The following CHD6 variants were observed in gnomAD, a reference collection of about 807,000 sequenced individuals.
CHD6 encodes chromodomain helicase DNA binding protein 6, also known as ATP-dependent chromatin remodeler CHD6.
Under a neutral mutation model 276.9 loss-of-function variants are expected in CHD6, and 50 were observed. The ratio of observed to expected loss-of-function variants is 0.18; its 90% CI spans 0.14 to 0.23. The LOEUF is 0.23. CHD6 is among the 10% of genes least tolerant of loss of function. The probability of loss-of-function intolerance (pLI) is 1.00; values close to 1 mark genes in which losing one functional copy is unlikely to be tolerated. For missense variants in CHD6, 2,564 were observed against 3,365.8 expected (o/e 0.76, Z 5.89); for synonymous variants, 1,173 against 1,229.3 (o/e 0.95, Z 0.96).
intron 36 of CHD6, among the ~76,000 whole-genome samples, chr20:41,411,020 G>T (rs2046826901): frequency 6.6e-6 from 1 of 152,190 alleles, no homozygotes; most frequent in Non-Finnish European, 1.5e-5. Flanking sequence ...GCAAGTGGAA[G>T]AAAGTGAGGG....
intron 3 of CHD6, 28 bp downstream of exon 3, chr20:41,533,022 T>C (rs536829929): frequency 3.9e-6 from 6 of 1,551,978 alleles, no homozygotes; most frequent in African/African-American, 2.8e-5. Context: ...CATAGGCAAG[T>C]GCTCAGAGAA....
At chr20:41,615,855 G>C (rs986199676) in intron 1 of CHD6, among the ~76,000 whole-genome samples, 4 of 152,184 alleles carry the variant, frequency 2.6e-5, no homozygotes, top group Admixed American at 6.5e-5. Context: ...AACCACAAAC[G>C]CTGCTTCGGG....
rs2046587271 is a variant in CHD6 at position 41,403,558 on chromosome 20, G to A, written c.*1035C>T. The A allele has an allele frequency of 9.4e-7, 1 of 1,063,436 alleles. No homozygotes were observed. The highest frequency in any genetic ancestry group is 5.4e-5 in the Admixed American group (1 of 18,676). 65.9% of individuals were successfully genotyped at this position (1,063,436 alleles called of 1,614,324 possible). ...AACTTTTCATAGCTGTATTATAAAG[G>A]GTGGCACACATTTGACAGCCTCAGA... is the stretch of plus-strand genomic sequence containing the variant. On this transcript the variant is annotated 3_prime_UTR_variant, in exon 37 of 37. Coordinates refer to ENST00000373233, the MANE Select transcript of CHD6 (RefSeq NM_032221.5).
Position 41,493,550 on chromosome 20 carries a change from T to G in CHD6, c.1302A>C (p.Glu434Asp), listed in dbSNP as rs758863423. ...AAAACTACTTTACCACATGCTTAAT[T>G]TCAGGGAGAACTTGAAGAGATTCAA... ...KEFESLQVLP[E>D]IKHVERPASD... is the part of the protein sequence containing the mutation. The change falls in exon 10 of 37, where the codon GAA becomes GAC. Residue 434 changes from glutamate to aspartate, a missense_variant. Around this residue, in one of 7 missense-constraint regions of CHD6, gnomAD observed 457 missense variants for 889.0 expected, o/e 0.51. Transcript: ENST00000373233. 5 of 1,613,750 alleles carry G rather than the reference T, an allele frequency of 3.1e-6. No homozygotes were observed. In the South Asian group the frequency reaches 5.5e-5, roughly 18 times the overall value.
intron 1 of CHD6, among the ~76,000 whole-genome samples, chr20:41,617,796 G>A (rs1197441831): frequency 1.3e-5 from 2 of 151,402 alleles, no homozygotes; most frequent in Non-Finnish European, 3.0e-5. Flanking sequence ...TCCCGGAACA[G>A]CAGCCTGGCA....
chr20:41,527,378 A>G (rs1601088786), intron 3 of CHD6, among the ~76,000 whole-genome samples: 1 of 152,022 alleles, frequency 6.6e-6, no homozygotes, highest in Non-Finnish European at 1.5e-5. Flanking sequence ...CCGAGATCAC[A>G]CCACTGCACT....
chr20:41,425,389 C>T lies in CHD6; in HGVS notation c.4135G>A (p.Asp1379Asn). ...GGCGATTTGTCTGGGTCGGAGCCAT[C>T]CTGGGCTTCAAACATCAGTGAGGAT... ...EKKDDSRAAQDGSDPDKSPWP... is the reference protein window; with the variant it reads ...EKKDDSRAAQNGSDPDKSPWP... The change falls in exon 29 of 37, where the codon GAT becomes AAT. Residue 1379 changes from aspartate to asparagine, a missense_variant. Asp to Asn is a conservative substitution (Grantham distance 23). Coordinates refer to ENST00000373233, the MANE Select transcript of CHD6 (RefSeq NM_032221.5). The T allele has an allele frequency of 6.2e-7, 1 of 1,613,490 alleles. No individual in the cohort carries two copies. Among genetic ancestry groups the T allele is most frequent in the Non-Finnish European group, 8.5e-7 (1 of 1,179,808 alleles).
rs1342813211 is a variant in CHD6, at chr20:41,611,608, G to C, written c.-24+6732C>G. On this transcript the variant is annotated intron_variant, in intron 1 of 36. Coordinates refer to ENST00000373233, the MANE Select transcript of CHD6 (RefSeq NM_032221.5). ...TGGTCTATTTCAGTAGGTCTGGAATGGGGCCCAAAAACTTGCATTTCTTTT... is the reference window on the plus strand; with the variant it reads ...TGGTCTATTTCAGTAGGTCTGGAATCGGGCCCAAAAACTTGCATTTCTTTT... Among the ~76,000 whole-genome samples, 3 of 152,040 alleles carry C rather than the reference G, an allele frequency of 2.0e-5. No individual in the cohort carries two copies. The East Asian group carries it at 5.8e-4, about 29-fold the overall frequency.
chr20:41,548,074 A>G (rs897951717), intron 2 of CHD6, among the ~76,000 whole-genome samples: 1 of 152,220 alleles, frequency 6.6e-6, no homozygotes, highest in South Asian at 2.1e-4. Context: ...CCTCTTCTCT[A>G]TTAGGCACTG....
chr20:41,483,242 A>G, intron 16 of CHD6, 67 bp downstream of exon 16: 1 of 1,396,980 alleles, frequency 7.2e-7, no homozygotes, highest in Non-Finnish European at 9.6e-7. Context: ...TTTTGAATGG[A>G]TCAAAAAAAT....
At chr20:41,547,732 T>C (rs147466170) in intron 2 of CHD6, 35 of 569,960 alleles carry the variant, frequency 6.1e-5, no homozygotes, top group Admixed American at 3.4e-4. Context: ...AGTGGAATTA[T>C]CACTTTTGAT....
At chr20:41,465,629 ATTAG>A (rs1361502680) in intron 17 of CHD6, among the ~76,000 whole-genome samples, 9 of 152,218 alleles carry the variant, frequency 5.9e-5, no homozygotes, top group Admixed American at 2.0e-4. Flanking sequence ...AGGTCTGTAG[ATTAG>A]TTAAAGAGTA....
chr20:41,487,403 A>G (rs1175256117), intron 14 of CHD6, among the ~76,000 whole-genome samples: 2 of 152,232 alleles, frequency 1.3e-5, no homozygotes, highest in African/African-American at 4.8e-5. Flanking sequence ...TAGTGAAGCA[A>G]GGAGGCCCGA....
At chr20:41,411,649 C>A (rs6102408) in intron 36 of CHD6, among the ~76,000 whole-genome samples, 51,992 of 151,964 alleles carry the variant, frequency 0.34, 9,333 homozygotes, top group African/African-American at 0.45. Context: ...AAGTATTCTG[C>A]AGAAGTCTTT....
chr20:41,404,165 G>T lies in CHD6; in HGVS notation c.*428C>A. 9.4e-7 allele frequency: 1 copy of T among 1,062,504 alleles called. No homozygotes were observed. Among genetic ancestry groups the T allele is most frequent in the Non-Finnish European group, 1.1e-6 (1 of 878,212 alleles). 65.8% of individuals were successfully genotyped at this position (1,062,504 alleles called of 1,614,324 possible). On this transcript the variant is annotated 3_prime_UTR_variant, in exon 37 of 37. Transcript: ENST00000373233. ...TTTTCTGTGCTTTTTGGTTCCCTGT[G>T]ACATTCTTCCTGTGCAACCCAGCTC...
intron 27 of CHD6, among the ~76,000 whole-genome samples, chr20:41,430,980 C>T (rs1386452376): frequency 2.0e-5 from 3 of 151,548 alleles, no homozygotes; most frequent in African/African-American, 7.3e-5. Flanking sequence ...AGTACAGGCG[C>T]ATGCCACCAC....
intron 1 of CHD6, among the ~76,000 whole-genome samples, chr20:41,602,212 T>C (rs560603491): frequency 2.0e-5 from 3 of 152,362 alleles, no homozygotes; most frequent in Admixed American, 1.3e-4. Flanking sequence ...CTCAGTTAAA[T>C]AGAGTAACAT....
At chr20:41,591,373 T>TACAC (rs1436245685) in intron 1 of CHD6, among the ~76,000 whole-genome samples, 1 of 120,078 alleles carries the variant, frequency 8.3e-6, no homozygotes, top group Non-Finnish European at 1.6e-5. Context: ...TACATATATA[T>TACAC]ATATATACAC....
intron 8 of CHD6, chr20:41,497,164 G>T: frequency 3.9e-6 from 2 of 512,980 alleles, no homozygotes; most frequent in Non-Finnish European, 3.5e-6. Flanking sequence ...GATGCACGCC[G>T]TTATGAGTTG....
Sources: gnomAD v4.1 joint callset for allele counts (sites outside exome capture counted in the v4.1 genomes callset) on GRCh38, gnomAD v4.1.1 for gene constraint, gnomAD v4.1.1 regional missense constraint, MANE v1.5 for transcripts, NCBI Gene and HGNC (gene_info 2026-07-23, HGNC 2026-07-21) for gene names.